MED26: variants seen among roughly 807,000 people sequenced by gnomAD.
MED26 encodes the protein mediator complex subunit 26, also known as mediator of RNA polymerase II transcription subunit 26.
In MED26, 7 loss-of-function variants were observed where a neutral mutation model predicts 43.7. The observed-to-expected ratio is 0.16, with a 90% CI of 0.09 to 0.30. The LOEUF is 0.30. Among genes scored for constraint, MED26 ranks in the 10% least tolerant of loss-of-function variants. MED26 has a pLI of 1.00. For synonymous variants in MED26, 375 were observed against 371.1 expected (o/e 1.01, Z -0.12); for missense variants, 784 against 840.6 (o/e 0.93, Z 0.83).
intron 1 of MED26, among the ~76,000 whole-genome samples, chr19:16,581,876 G>A (rs997452856): frequency 5.3e-5 from 8 of 152,250 alleles, no homozygotes; most frequent in African/African-American, 1.9e-4. Context: ...AGCCTTGGCA[G>A]TCCCCTTTCT....
chr19:16,583,964 G>C (rs1434608366), intron 1 of MED26, among the ~76,000 whole-genome samples: 1 of 152,170 alleles, frequency 6.6e-6, no homozygotes, highest in East Asian at 1.9e-4. Context: ...TCAGCACACA[G>C]GTGCCCCACA....
Position 16,577,480 on chromosome 19 carries a change from G to T in MED26, c.350C>A (p.Ala117Glu). The change falls in exon 3 of 3, where the codon GCG becomes GAG. Residue 117 changes from alanine to glutamate, a missense_variant. Transcript: ENST00000263390. The surrounding 1 kb of genome is among the most constrained non-coding windows in gnomAD (Gnocchi z 8.1). ...GAHNCRPEVG[A>E]AGPPRSIHDL... ...ATGGATGCTCCTGGGTGGGCCAGCC[G>T]CCCCCACCTCCGGCCGGCAGTTGTG... 1 of 1,587,904 alleles carries T rather than the reference G, an allele frequency of 6.3e-7. No individual in the cohort carries two copies.
Position 16,627,892 on chromosome 19 carries a change from C to T in MED26, c.52G>A (p.Ala18Thr). The T allele has an allele frequency of 6.7e-7, 1 of 1,498,986 alleles. No homozygotes were observed. Among genetic ancestry groups the T allele is most frequent in the Middle Eastern group, 1.9e-4 (1 of 5,352 alleles). The allele number at this position is 1,498,986 out of a possible 1,614,324, so 92.9% of individuals were successfully genotyped here. A position where few individuals can be genotyped will look rare whatever the true frequency, so the allele number is the denominator to read the frequency against. Residue 18 changes from alanine to threonine, a missense_variant, in exon 1 of 3, where the codon GCC becomes ACC. By Grantham distance (58) the Ala-to-Thr change is moderately conservative. Coordinates refer to ENST00000263390, the MANE Select transcript of MED26 (RefSeq NM_004831.5). ...PQQIRDRLLQ[A>T]IDPQSNIRNM... ...CTTACGTTGCTCTGGGGGTCGATGG[C>T]CTGCAGCAGCCGGTCCCTGATCTGC...
chr19:16,627,810 G>C, intron 1 of MED26, 62 bp downstream of exon 1: 3 of 1,285,066 alleles, frequency 2.3e-6, no homozygotes, highest in Non-Finnish European at 2.1e-6. Context: ...GAGGGGTACA[G>C]GAGAGGGGGA....
intron 1 of MED26, among the ~76,000 whole-genome samples, chr19:16,585,240 T>C (rs914711063): frequency 7.2e-5 from 11 of 152,210 alleles, no homozygotes; most frequent in East Asian, 1.9e-4. Context: ...CCGGTCCGAC[T>C]CTCAGGTGTC....
intron 1 of MED26, chr19:16,611,670 G>A (rs1042628971): frequency 2.0e-5 from 3 of 152,104 alleles, no homozygotes; most frequent in African/African-American, 7.2e-5. Context: ...CCAGATGCCT[G>A]AGTCACAAAA....
Position 16,628,120 on chromosome 19 carries a change from G to A in MED26, c.-177C>T, listed in dbSNP as rs1012045786. 1 of 374,446 alleles carries A rather than the reference G, an allele frequency of 2.7e-6. No individual in the cohort carries two copies. The highest frequency in any genetic ancestry group is 4.7e-6 in the Non-Finnish European group (1 of 212,532). The allele number at this position is 374,446 out of a possible 1,614,324, so 23.2% of individuals were successfully genotyped here. A position where few individuals can be genotyped will look rare whatever the true frequency, so the allele number is the denominator to read the frequency against. ...GGAGCCGGGGCCGGGTCTCGGTCCC[G>A]GGCCGCCGCCGCCACCAAAGGAGGA... On this transcript the variant is annotated 5_prime_UTR_variant, in exon 1 of 3. Coordinates refer to ENST00000263390, the MANE Select transcript of MED26 (RefSeq NM_004831.5).
At chr19:16,584,353 G>C (rs562116623) in intron 1 of MED26, among the ~76,000 whole-genome samples, 6 of 149,802 alleles carry the variant, frequency 4.0e-5, no homozygotes, top group African/African-American at 1.5e-4. Flanking sequence ...AAAGGCTTCC[G>C]GAAAGGCTGG....
chr19:16,596,491 C>T (rs2086120497), intron 1 of MED26, among the ~76,000 whole-genome samples: 1 of 152,242 alleles, frequency 6.6e-6, no homozygotes, highest in Non-Finnish European at 1.5e-5. Flanking sequence ...CGAGTGCATA[C>T]GTGGGACACC....
intron 1 of MED26, among the ~76,000 whole-genome samples, chr19:16,596,669 G>A (rs1284772220): frequency 2.6e-5 from 4 of 152,196 alleles, no homozygotes; most frequent in Non-Finnish European, 4.4e-5. Flanking sequence ...GGCAGGATGC[G>A]GGGTTGAAGT....
At chr19:16,596,041 C>T (rs779674147) in intron 1 of MED26, among the ~76,000 whole-genome samples, 1 of 152,130 alleles carries the variant, frequency 6.6e-6, no homozygotes, top group Non-Finnish European at 1.5e-5. Flanking sequence ...GACAGGGTCT[C>T]GCCCTGTTGC....
At chr19:16,578,594 C>T in intron 1 of MED26, 185 bp from the exon 2 acceptor site, 1 of 600,428 alleles carries the variant, frequency 1.7e-6, no homozygotes, top group South Asian at 2.0e-5. Flanking sequence ...AGTGCTCATC[C>T]TCACCTGCCG....
At chr19:16,595,327 G>A (rs114404683) in intron 1 of MED26, among the ~76,000 whole-genome samples, 156 of 152,272 alleles carry the variant, frequency 1.0e-3, no homozygotes, top group African/African-American at 2.9e-3. Flanking sequence ...GCACACCGAG[G>A]GAAGCAAGAA....
intron 1 of MED26, among the ~76,000 whole-genome samples, chr19:16,627,058 CA>C (rs1288603065): frequency 2.0e-5 from 3 of 152,096 alleles, no homozygotes. Context: ...GGTCAAAAAC[CA>C]CCAGGCTGAG....
chr19:16,626,312 C>A (rs925056324), intron 1 of MED26, among the ~76,000 whole-genome samples: 1 of 152,154 alleles, frequency 6.6e-6, no homozygotes, highest in East Asian at 1.9e-4. Flanking sequence ...GTCACCAAGG[C>A]TATTTTTTTC....
chr19:16,581,125 G>A (rs906864507), intron 1 of MED26, among the ~76,000 whole-genome samples: 2 of 152,134 alleles, frequency 1.3e-5, no homozygotes, highest in African/African-American at 4.8e-5. Flanking sequence ...GCAGAGCCAC[G>A]ACAGCAGTCC....
intron 1 of MED26, among the ~76,000 whole-genome samples, chr19:16,609,553 A>C (rs1205988157): frequency 6.6e-6 from 1 of 152,122 alleles, no homozygotes; most frequent in Non-Finnish European, 1.5e-5. Context: ...ACATATGTAT[A>C]TGTATGGATT....
intron 1 of MED26, among the ~76,000 whole-genome samples, chr19:16,615,752 A>AG (rs2086223046): frequency 6.9e-6 from 1 of 144,616 alleles, no homozygotes; most frequent in Non-Finnish European, 1.5e-5. Context: ...TCTCTGGGGG[A>AG]GAAAAAAAAA....
chr19:16,625,102 G>A (rs1460375847), intron 1 of MED26, among the ~76,000 whole-genome samples: 2 of 152,190 alleles, frequency 1.3e-5, no homozygotes, highest in East Asian at 3.8e-4. Flanking sequence ...GCTTCGGAGA[G>A]ATTTTCAACA....
Sources: gnomAD v4.1 joint callset for allele counts (sites outside exome capture counted in the v4.1 genomes callset) on GRCh38, gnomAD v4.1.1 for gene constraint, Gnocchi (gnomAD v3.1) non-coding constraint, MANE v1.5 for transcripts, NCBI Gene and HGNC (gene_info 2026-07-23, HGNC 2026-07-21) for gene names.